The following MAVS variants were observed in gnomAD, a reference collection of about 807,000 sequenced individuals.
MAVS encodes the protein mitochondrial antiviral signaling protein.
A neutral mutation model predicts 30.2 loss-of-function variants in MAVS; 20 were observed. The observed-to-expected ratio is 0.66, with a 90% CI of 0.47 to 0.96. MAVS has a LOEUF of 0.96. Among genes scored for constraint, MAVS ranks in the 40% least tolerant of loss-of-function variants. The pLI is 0.00. For missense variants in MAVS, 624 were observed against 701.1 expected, an observed-to-expected ratio of 0.89 and a Z score of 1.24; for synonymous variants, 278 against 293.9, an observed-to-expected ratio of 0.95 and a Z score of 0.55.
At chr20:3,856,808 T>TG (rs1342366796) in intron 2 of MAVS, among the ~76,000 whole-genome samples, 1 of 151,278 alleles carries the variant, frequency 6.6e-6, no homozygotes, top group Admixed American at 6.6e-5. Context: ...CCAAGGCGGG[T>TG]GGATCACCTG....
At position 3,857,807 on chromosome 20, in the gene MAVS, C is replaced by G. The variant is rs367892824; in HGVS notation, c.290C>G (p.Pro97Arg). The change falls in exon 3 of 7, where the codon CCT (proline) becomes CGT (arginine). Residue 97 changes from proline (P) to arginine (R), a missense_variant and splice_region_variant. Transcript: ENST00000428216. ...EVASVYQSYQ[P>R]RTSDRPPDPL... Reference sequence around the variant, plus strand: ...GCCTCTGTCTACCAGAGCTACCAGCCTCGTGAGCGTCCTGCCCTTGCCCTC... The same window carrying G: ...GCCTCTGTCTACCAGAGCTACCAGCGTCGTGAGCGTCCTGCCCTTGCCCTC... The G allele has an allele frequency of 8.1e-6, 13 of 1,614,080 alleles. No homozygotes were observed. The highest frequency in any genetic ancestry group is 9.3e-6 in the Non-Finnish European group (11 of 1,180,036).
chr20:3,857,968 T>C, intron 3 of MAVS, 159 bp downstream of exon 3: 1 of 761,996 alleles, frequency 1.3e-6, no homozygotes, highest in Non-Finnish European at 2.1e-6. Context: ...CTGAGCCACT[T>C]ACCAGCTGTG....
Position 3,874,075 on chromosome 20 carries a change from C to T in MAVS, c.*7928C>T, listed in dbSNP as rs1568542453. 2 of 398,510 alleles carry T rather than the reference C, an allele frequency of 5.0e-6. No individual in the cohort carries two copies. The highest frequency in any genetic ancestry group is 4.1e-5 in the African/African-American group (2 of 48,638). The allele number at this position is 398,510 out of a possible 1,614,324, so 24.7% of individuals were successfully genotyped here. ...AGTGAAGTCACAGGGTCGAATACTA[C>T]TGCACAGCAACGAATATGAATGAAA... On this transcript the variant is annotated 3_prime_UTR_variant, in exon 7 of 7. Coordinates refer to ENST00000428216, the MANE Select transcript of MAVS (RefSeq NM_020746.5).
chr20:3,852,034 G>A (rs6116068), intron 1 of MAVS, among the ~76,000 whole-genome samples: 4 of 133,924 alleles, frequency 3.0e-5, no homozygotes, highest in African/African-American at 1.2e-4. Flanking sequence ...TGGCTCTGTC[G>A]CCCAGGCTGG....
In MAVS at chr20:3,874,909, G is replaced by A. The variant is rs547784881; in HGVS notation, c.*8762G>A. The A allele has an allele frequency of 6.6e-6, 1 of 152,390 alleles. No individual in the cohort carries two copies. The allele number at this position is 152,390 out of a possible 1,614,324, so 9.4% of individuals were successfully genotyped here. On this transcript the variant is annotated 3_prime_UTR_variant, in exon 7 of 7. Transcript: ENST00000428216. ...CCTCCAGCTGCCTACACCCCCCTAGGGTCAGTGGCGCCTGCCTGTGAGGGT... is the reference window on the plus strand; with the variant it reads ...CCTCCAGCTGCCTACACCCCCCTAGAGTCAGTGGCGCCTGCCTGTGAGGGT...
At position 3,872,007 on chromosome 20, in the gene MAVS, C is replaced by G. The variant is rs952120595; in HGVS notation, c.*5860C>G. 2.0e-5 allele frequency: 3 copies of G among 152,304 alleles called. No homozygotes were observed. Among genetic ancestry groups the G allele is most frequent in the Non-Finnish European group, 2.9e-5 (2 of 68,046 alleles). 9.4% of individuals were successfully genotyped at this position (152,304 alleles called of 1,614,324 possible). On this transcript the variant is annotated 3_prime_UTR_variant, in exon 7 of 7. Transcript: ENST00000428216. ...GATACCATCTCAACCCAATTGACAG[C>G]TGGTTTGCAAGATTAGGAGGGATGA... is the stretch of plus-strand genomic sequence containing the variant.
rs755551394 is a variant in MAVS at position 3,864,624 on chromosome 20, C to T, written c.994C>T (p.Pro332Ser). 3.6e-5 allele frequency: 58 copies of T among 1,614,090 alleles called. No homozygotes were observed. Among genetic ancestry groups the T allele is most frequent in the Non-Finnish European group, 4.7e-5 (56 of 1,180,058 alleles). Residue 332 changes from proline (P) to serine (S), a missense_variant, in exon 6 of 7, where the codon CCC (proline) becomes TCC (serine). Physicochemically the swap from Pro to Ser is moderately conservative, Grantham distance 74. Coordinates refer to ENST00000428216, the MANE Select transcript of MAVS (RefSeq NM_020746.5). Reference protein sequence around the residue: ...VPSKLPTSSKPPGAVPSNALT... With the variant: ...VPSKLPTSSKSPGAVPSNALT... ...CTCCAAGTTGCCAACTAGCTCAAAG[C>T]CCCCTGGTGCAGTGCCTTCTAATGC...
rs1363846662 is a variant in MAVS, at chr20:3,856,333, C to A, written c.118-1302C>A. ...CCTCCCAAAGTGCTGGGATTACAGGCGTGAGCCACTGCGCCCAGCATTTTT... is the reference window on the plus strand; with the variant it reads ...CCTCCCAAAGTGCTGGGATTACAGGAGTGAGCCACTGCGCCCAGCATTTTT... On this transcript the variant is annotated intron_variant, in intron 2 of 6. Transcript: ENST00000428216. Among the ~76,000 whole-genome samples, 22 of 145,530 alleles carry A rather than the reference C, an allele frequency of 1.5e-4. 1 individual carries two copies. The highest frequency in any genetic ancestry group is 5.6e-4 in the African/African-American group (22 of 39,028).
At position 3,865,506 on chromosome 20, in the gene MAVS, G is replaced by T. The variant is rs569511789; in HGVS notation, c.1159-177G>T. On this transcript the variant is annotated intron_variant, in intron 6 of 6. Transcript: ENST00000428216. This position sits in a 1 kb window ranked among gnomAD's most constrained non-coding sequence, Gnocchi z 4.7. ...CCTGGAGGAGGCCACCATTGGTGCA[G>T]ATTCTTGGTCCCCTCTACCCCCACT... Among the ~76,000 whole-genome samples the T allele has an allele frequency of 2.6e-4, 39 of 152,198 alleles. No individual in the cohort carries two copies. The highest frequency in any genetic ancestry group is 4.4e-4 in the Non-Finnish European group (30 of 68,024).
intron 3 of MAVS, among the ~76,000 whole-genome samples, chr20:3,860,109 G>A (rs912410488): frequency 7.9e-5 from 12 of 152,226 alleles, no homozygotes; most frequent in East Asian, 3.9e-4. Context: ...GAGCCACCAA[G>A]CCCAGCCCTG....
chr20:3,860,443 C>T (rs1407739531), intron 3 of MAVS, among the ~76,000 whole-genome samples: 3 of 148,912 alleles, frequency 2.0e-5, no homozygotes, highest in Non-Finnish European at 4.4e-5. Context: ...GGTGCAATCT[C>T]AGGTCATGGC....
At position 3,864,635 on chromosome 20, in the gene MAVS, A is replaced by G. The variant is rs1243642380; in HGVS notation, c.1005A>G (p.Ala335=). 1 of 1,614,198 alleles carries G rather than the reference A, an allele frequency of 6.2e-7. No homozygotes were observed. Residue 335 remains alanine, a synonymous_variant, in exon 6 of 7, where the codon GCA becomes GCG. Coordinates refer to ENST00000428216, the MANE Select transcript of MAVS (RefSeq NM_020746.5). The part of the protein sequence containing the change: ...KLPTSSKPPG[A]VPSNALTNPA... ...CAACTAGCTCAAAGCCCCCTGGTGC[A>G]GTGCCTTCTAATGCGCTCACCAATC...
chr20:3,861,643 A>T, intron 4 of MAVS, 139 bp downstream of exon 4: 1 of 946,744 alleles, frequency 1.1e-6, no homozygotes. Context: ...GGGCTTCCTC[A>T]GTGGGGATCT....
chr20:3,864,917 C>G, intron 6 of MAVS, 129 bp downstream of exon 6: 1 of 1,124,116 alleles, frequency 8.9e-7, no homozygotes, highest in Non-Finnish European at 1.3e-6. Flanking sequence ...GTGGCCTCTC[C>G]TTGAGGGCAT....
At chr20:3,852,518 G>GGC (rs1248099772) in intron 1 of MAVS, among the ~76,000 whole-genome samples, 3 of 151,984 alleles carry the variant, frequency 2.0e-5, no homozygotes, top group African/African-American at 7.3e-5. Context: ...TCAGCTTGAG[G>GGC]GCCTTAGAGC....
In MAVS at chr20:3,873,880, C is replaced by T. The variant is rs542735491; in HGVS notation, c.*7733C>T. ...CAGTATCTACCAAAAGCCGAACATA[C>T]GTATAAACTGATCCAGCAGTTCCAC... On this transcript the variant is annotated 3_prime_UTR_variant, in exon 7 of 7. Coordinates refer to ENST00000428216, the MANE Select transcript of MAVS (RefSeq NM_020746.5). 80 of 380,312 alleles carry T rather than the reference C, an allele frequency of 2.1e-4. 1 individual carries two copies. Among genetic ancestry groups the T allele is most frequent in the African/African-American group, 1.1e-3 (53 of 47,614 alleles). 23.6% of individuals were successfully genotyped at this position (380,312 alleles called of 1,614,324 possible). A position where few individuals can be genotyped will look rare whatever the true frequency, so the allele number is the denominator to read the frequency against.
In MAVS at chr20:3,862,305, C is replaced by T; in HGVS notation, c.517C>T (p.Pro173Ser). ...CAGCCCCAGAGCCATCCCAAGGAATCCAGATGGTGGCCCCCTGGAGTCCTC... is the reference window on the plus strand; with the variant it reads ...CAGCCCCAGAGCCATCCCAAGGAATTCAGATGGTGGCCCCCTGGAGTCCTC... ...TLSPRAIPRNPDGGPLESSSD... is the reference protein window; with the variant it reads ...TLSPRAIPRNSDGGPLESSSD... Residue 173 changes from proline (P) to serine (S), a missense_variant, in exon 5 of 7, where the codon CCA becomes TCA. By Grantham distance (74) the Pro-to-Ser change is moderately conservative. Transcript: ENST00000428216. 6.2e-7 allele frequency: 1 copy of T among 1,614,124 alleles called. No homozygotes were observed. The highest frequency in any genetic ancestry group is 8.5e-7 in the Non-Finnish European group (1 of 1,180,022).
rs1460322299 is a variant in MAVS, at chr20:3,864,461, G to A, written c.831G>A (p.Gln277=). Residue 277 remains glutamine, a synonymous_variant, in exon 6 of 7, where the codon CAG becomes CAA. Coordinates refer to ENST00000428216, the MANE Select transcript of MAVS (RefSeq NM_020746.5). ...AEGKQGAESD[Q]AEPIICSSGA... ...GTAAACAGGGTGCAGAGAGTGACCA[G>A]GCCGAGCCTATCATCTGCTCCAGTG... 1.9e-6 allele frequency: 3 copies of A among 1,613,862 alleles called. No individual in the cohort carries two copies. The highest frequency in any genetic ancestry group is 1.7e-6 in the Non-Finnish European group (2 of 1,180,020).
At chr20:3,849,089 G>C (rs1333282484) in intron 1 of MAVS, among the ~76,000 whole-genome samples, 1 of 152,018 alleles carries the variant, frequency 6.6e-6, no homozygotes, top group Non-Finnish European at 1.5e-5. Flanking sequence ...GAACCTTCCA[G>C]TGGTTCCCTG....
Sources: allele counts gnomAD v4.1 joint callset (sites outside exome capture counted in the v4.1 genomes callset), GRCh38; gene constraint gnomAD v4.1.1; non-coding constraint Gnocchi (gnomAD v3.1); transcripts MANE v1.5; gene names NCBI Gene and HGNC (gene_info 2026-07-23, HGNC 2026-07-21).